AFF3: variants seen among roughly 807,000 people sequenced by gnomAD.
AFF3 encodes the protein ALF transcription elongation factor 3.
AFF3 carries 32 observed loss-of-function variants against 129.7 expected under a neutral mutation model. The ratio of observed to expected loss-of-function variants is 0.25; its 90% confidence interval spans 0.19 to 0.33. The LOEUF (loss-of-function observed/expected upper bound fraction) is 0.33. Ranked by LOEUF, AFF3 falls within the 10% of genes least tolerant of loss-of-function variation. The pLI is 1.00. For synonymous variants in AFF3, 644 were observed against 635.4 expected (o/e 1.01, Z -0.20); for missense variants, 1,373 against 1,592.0 (o/e 0.86, Z 2.34).
chr2:99,846,098 C>T (rs999811066), intron 7 of AFF3, among the ~76,000 whole-genome samples: 6 of 151,648 alleles, frequency 4.0e-5, no homozygotes, highest in Non-Finnish European at 8.8e-5. Context: ...TCCCAAAGTG[C>T]TGGGATTACA....
chr2:99,562,108 T>G (rs985488076), intron 20 of AFF3, among the ~76,000 whole-genome samples: 2 of 152,236 alleles, frequency 1.3e-5, no homozygotes, highest in South Asian at 4.1e-4. Context: ...CCTTTAGTTT[T>G]TGGAAATGTA....
chr2:100,078,784 T>C (rs1688802131), intron 4 of AFF3, among the ~76,000 whole-genome samples: 1 of 152,186 alleles, frequency 6.6e-6, no homozygotes, highest in Admixed American at 6.5e-5. Flanking sequence ...AACGGCATAG[T>C]ATTTCAATAT....
Position 99,550,276 on chromosome 2 carries a change from C to T in AFF3, c.*1198G>A. ...CAGGAAGAGGCTCTGGTTGCTGCTG[C>T]CCCAGAAAGGAACTGTGATCTTCTG... On this transcript the variant is annotated 3_prime_UTR_variant, in exon 25 of 25. Coordinates refer to ENST00000672756, the MANE Select transcript of AFF3 (RefSeq NM_001386135.1). 1 of 231,260 alleles carries T rather than the reference C, an allele frequency of 4.3e-6. No individual in the cohort carries two copies. Among genetic ancestry groups the T allele is most frequent in the Non-Finnish European group, 8.6e-6 (1 of 116,816 alleles). 14.3% of individuals were successfully genotyped at this position (231,260 alleles called of 1,614,324 possible). A position where few individuals can be genotyped will look rare whatever the true frequency, so the allele number is the denominator to read the frequency against.
intron 8 of AFF3, among the ~76,000 whole-genome samples, chr2:99,797,312 T>G (rs1406620755): frequency 2.0e-5 from 3 of 152,080 alleles, no homozygotes; most frequent in Non-Finnish European, 4.4e-5. Context: ...AAATATACAT[T>G]GAATGCAATT....
intron 7 of AFF3, among the ~76,000 whole-genome samples, chr2:99,992,963 A>C (rs1341409600): frequency 6.6e-6 from 1 of 152,204 alleles, no homozygotes; most frequent in African/African-American, 2.4e-5. Context: ...CTGCTCTTCC[A>C]GACTGCACCT....
At chr2:99,987,884 C>T (rs1449855578) in intron 7 of AFF3, among the ~76,000 whole-genome samples, 1 of 152,162 alleles carries the variant, frequency 6.6e-6, no homozygotes, top group Non-Finnish European at 1.5e-5. Flanking sequence ...ACACTATGAA[C>T]CTGTTATGAA....
intron 10 of AFF3, among the ~76,000 whole-genome samples, chr2:99,742,529 T>C (rs1339373928): frequency 2.0e-5 from 3 of 152,118 alleles, no homozygotes; most frequent in Non-Finnish European, 2.9e-5. Flanking sequence ...TAGCATGCCA[T>C]AAAAATATGC....
At chr2:100,128,618 G>A (rs1296380019) in intron 2 of AFF3, among the ~76,000 whole-genome samples, 2 of 152,158 alleles carry the variant, frequency 1.3e-5, no homozygotes, top group South Asian at 2.1e-4. Flanking sequence ...GGAGAATTGC[G>A]ACCTGCATGC....
chr2:99,584,441 C>T (rs928057212), intron 16 of AFF3, among the ~76,000 whole-genome samples: 3 of 152,104 alleles, frequency 2.0e-5, no homozygotes, highest in African/African-American at 7.2e-5. Flanking sequence ...TGCACTCCAG[C>T]ATGGGCGACA....
chr2:99,714,458 A>T (rs1253855137), intron 11 of AFF3, among the ~76,000 whole-genome samples: 1 of 152,180 alleles, frequency 6.6e-6, no homozygotes, highest in Non-Finnish European at 1.5e-5. Context: ...TCTCTAGACA[A>T]AGGCTGTATG....
intron 7 of AFF3, among the ~76,000 whole-genome samples, chr2:99,940,428 A>G (rs553198860): frequency 1.3e-5 from 2 of 152,222 alleles, no homozygotes; most frequent in East Asian, 1.9e-4. Flanking sequence ...ACAGGAGGTC[A>G]GCACAAGATA....
chr2:100,030,098 A>G (rs528193558), intron 4 of AFF3, among the ~76,000 whole-genome samples: 63 of 151,150 alleles, frequency 4.2e-4, no homozygotes, highest in African/African-American at 1.4e-3. Context: ...AATAATAATA[A>G]TGATAAGATG....
intron 18 of AFF3, among the ~76,000 whole-genome samples, chr2:99,573,544 TA>T (rs1170045917): frequency 6.6e-6 from 1 of 152,210 alleles, no homozygotes; most frequent in Non-Finnish European, 1.5e-5. Flanking sequence ...GTCCTTTGAC[TA>T]AATCATGCTG....
At chr2:99,908,859 A>C (rs1694912110) in intron 7 of AFF3, among the ~76,000 whole-genome samples, 5 of 152,178 alleles carry the variant, frequency 3.3e-5, no homozygotes, top group Admixed American at 3.3e-4. Context: ...AAATAGGAAC[A>C]CTTTTACACT....
chr2:99,773,728 G>C (rs1024483513), intron 8 of AFF3, among the ~76,000 whole-genome samples: 1 of 152,198 alleles, frequency 6.6e-6, no homozygotes, highest in African/African-American at 2.4e-5. Flanking sequence ...GTTCTGGCCA[G>C]GGCAATCAGG....
chr2:100,109,847 T>A (rs1329723118), intron 2 of AFF3: 1 of 152,222 alleles, frequency 6.6e-6, no homozygotes, highest in African/African-American at 2.4e-5. Flanking sequence ...GGAATTGGTA[T>A]GGTATTACTG....
intron 2 of AFF3, among the ~76,000 whole-genome samples, chr2:100,108,389 G>A (rs1313928507): frequency 2.0e-5 from 3 of 152,054 alleles, no homozygotes; most frequent in Non-Finnish European, 2.9e-5. Context: ...ACCAGGTCCC[G>A]AGCAGATGGT....
chr2:99,731,151 T>C (rs1344475029), intron 10 of AFF3, among the ~76,000 whole-genome samples: 2 of 152,090 alleles, frequency 1.3e-5, no homozygotes, highest in Non-Finnish European at 2.9e-5. Context: ...AGAGATGGGG[T>C]TTCACCATGT....
rs1031485128 is a variant in AFF3 at position 100,024,093 on chromosome 2, G to A, written c.54-15161C>T. ...TAAGAACACCAAAAATTAGCCGGGC[G>A]TGGTGGCGGGCGCCTGTAGTCCCAG... On this transcript the variant is annotated intron_variant, in intron 4 of 24. Transcript: ENST00000672756. Among the ~76,000 whole-genome samples, 13 of 151,148 alleles carry A rather than the reference G, an allele frequency of 8.6e-5. 1 individual carries two copies. The highest frequency in any genetic ancestry group is 2.1e-4 in the South Asian group (1 of 4,764).
Sources: allele counts gnomAD v4.1 joint callset (sites outside exome capture counted in the v4.1 genomes callset), GRCh38; gene constraint gnomAD v4.1.1; transcripts MANE v1.5; gene names NCBI Gene and HGNC (gene_info 2026-07-23, HGNC 2026-07-21).